Variants in RP1L1 observed in about 807,000 individuals in gnomAD.
RP1L1 encodes the protein retinitis pigmentosa 1-like 1 protein.
Under a neutral mutation model 15.7 loss-of-function variants are expected in RP1L1, and 27 were observed. The observed-to-expected ratio is 1.72, with a 90% CI of 1.27 to 2.38. RP1L1 has a LOEUF of 2.38. Ranked by LOEUF, RP1L1 falls within the 30% of genes most tolerant of loss-of-function variation. RP1L1 has a pLI of 0.00. For synonymous variants in RP1L1, 1,813 were observed against 1,276.7 expected, an observed-to-expected ratio of 1.42 and a Z score of -8.96; for missense variants, 4,798 against 3,075.9, an observed-to-expected ratio of 1.56 and a Z score of -13.24.
chr8:10,647,063 G>A (rs1217782714), intron 1 of RP1L1, among the ~76,000 whole-genome samples: 1 of 152,204 alleles, frequency 6.6e-6, no homozygotes, highest in African/African-American at 2.4e-5. Flanking sequence ...TCCTCATCCG[G>A]GCCCCAGGCT....
chr8:10,616,318 A>G, intron 3 of RP1L1, 128 bp downstream of exon 3: 1 of 1,235,162 alleles, frequency 8.1e-7, no homozygotes, highest in East Asian at 2.3e-5. Flanking sequence ...AGATCCCAAA[A>G]TGACTGGGAT....
intron 1 of RP1L1, among the ~76,000 whole-genome samples, chr8:10,639,906 G>A (rs761590255): frequency 8.5e-5 from 13 of 152,102 alleles, no homozygotes; most frequent in Non-Finnish European, 1.5e-4. Context: ...TTCAGGGGAT[G>A]GTGTTGGTAG....
In RP1L1 at chr8:10,611,127, C is replaced by T. The variant is rs377219690; in HGVS notation, c.2971G>A (p.Glu991Lys). 1.5e-5 allele frequency: 25 copies of T among 1,612,916 alleles called. No individual in the cohort carries two copies. Among genetic ancestry groups the T allele is most frequent in the South Asian group, 1.2e-4 (11 of 91,084 alleles). Residue 991 changes from glutamate to lysine, a missense_variant, in exon 4 of 4, where the codon GAG (glutamate) becomes AAG (lysine). Transcript: ENST00000382483. ...GAAGGGLRGP[E>K]VDPGDDHSLE... ...GAATGGTCATCCCCAGGGTCCACCT[C>T]GGGGCCTCTCAGGCCACCCCCAGCT...
chr8:10,627,971 C>G (rs1262646636), intron 1 of RP1L1, among the ~76,000 whole-genome samples: 2 of 152,220 alleles, frequency 1.3e-5, no homozygotes, highest in Non-Finnish European at 2.9e-5. Context: ...GACACAGAGA[C>G]TGAGGCACAG....
Position 10,621,951 on chromosome 8 carries a change from A to G in RP1L1, c.609+642T>C, listed in dbSNP as rs184284640. On this transcript the variant is annotated intron_variant, in intron 2 of 3. Coordinates refer to ENST00000382483, the MANE Select transcript of RP1L1 (RefSeq NM_178857.6). ...AACGCCCTGTATTAAATCACTTTCT[A>G]CTTAAGGTAACTTGAGTAGTTTGTT... Among the ~76,000 whole-genome samples, 337 of 152,198 alleles carry G rather than the reference A, an allele frequency of 2.2e-3. 1 individual carries two copies. The highest frequency in any genetic ancestry group is 3.8e-3 in the Non-Finnish European group (257 of 68,018).
chr8:10,646,935 T>A (rs1448591857), intron 1 of RP1L1, among the ~76,000 whole-genome samples: 1 of 152,098 alleles, frequency 6.6e-6, no homozygotes, highest in African/African-American at 2.4e-5. Context: ...CCTCCCCCCC[T>A]CAGTTGTCAG....
rs537026897 is a variant in RP1L1 at position 10,643,529 on chromosome 8, T to C, written c.-20+11369A>G. The stretch of plus-strand genomic sequence containing the variant: ...AGATTCAGGGATCAGAGATAAGAGA[T>C]ACACTCTCAGCTTCTCAGAAAGGAG... On this transcript the variant is annotated intron_variant, in intron 1 of 3. Transcript: ENST00000382483. 4.6e-5 allele frequency among the ~76,000 whole-genome samples: 7 copies of C among 152,188 alleles called. No individual in the cohort carries two copies. In the South Asian group the frequency reaches 1.5e-3, roughly 32 times the overall value.
rs1045490638 is a variant in RP1L1, at chr8:10,608,496, G to A, written c.5602C>T (p.Gln1868Ter). 4 of 1,311,348 alleles carry A rather than the reference G, an allele frequency of 3.1e-6. No homozygotes were observed. Among genetic ancestry groups the A allele is most frequent in the Non-Finnish European group, 4.3e-6 (4 of 928,028 alleles). The allele number at this position is 1,311,348 out of a possible 1,614,324, so 81.2% of individuals were successfully genotyped here. Residue 1868 changes from glutamine to a stop codon, truncating the protein, a stop_gained, in exon 4 of 4, where the codon CAG becomes TAG. Transcript: ENST00000382483. LOFTEE classifies it low-confidence loss of function (END_TRUNC). ...GCCTCTACATCTTCTGACTCTGGCT[G>A]GGCCTCCCCTTCAGCCTCCTGGGCA... is the stretch of plus-strand genomic sequence containing the variant. Reference protein sequence around the residue: ...GDAQEAEGEAQPESEDVEAPE... With the variant: ...GDAQEAEGEA
Position 10,611,883 on chromosome 8 carries a change from T to C in RP1L1, c.2215A>G (p.Thr739Ala), listed in dbSNP as rs778664065. The C allele has an allele frequency of 1.4e-5, 22 of 1,613,714 alleles. No individual in the cohort carries two copies. The highest frequency in any genetic ancestry group is 1.3e-5 in the Non-Finnish European group (15 of 1,180,028). ...TCCGAGTGGACTGCAGGGGTGACAG[T>C]GGCACTGCTGGTTCCCAGAAGGTCC... ...SQDLLGTSSA[T>A]VTPAVHSDFV... Residue 739 changes from threonine (T) to alanine (A), a missense_variant, in exon 4 of 4, where the codon ACT becomes GCT. Transcript: ENST00000382483.
In RP1L1 at chr8:10,611,821, A is replaced by G. The variant is rs1412460243; in HGVS notation, c.2277T>C (p.Ser759=). The part of the protein sequence containing the change: ...VSGVSPHNAP[S]AGWAGDAGSR... ...ACCCCGCGTCCCCTGCCCACCCGGC[A>G]GAGGGAGCGTTGTGCGGGGAGACTC... Residue 759 remains serine, a synonymous_variant, in exon 4 of 4, where the codon TCT becomes TCC. Coordinates refer to ENST00000382483, the MANE Select transcript of RP1L1 (RefSeq NM_178857.6). The G allele has an allele frequency of 6.2e-6, 10 of 1,613,696 alleles. No individual in the cohort carries two copies. In the South Asian group the frequency reaches 1.1e-4, roughly 18 times the overall value.
At chr8:10,648,761 C>G (rs761106024) in intron 1 of RP1L1, among the ~76,000 whole-genome samples, 1 of 152,232 alleles carries the variant, frequency 6.6e-6, no homozygotes, top group Non-Finnish European at 1.5e-5. Context: ...TTACAGTAAT[C>G]GCTTTGGCTG....
intron 1 of RP1L1, among the ~76,000 whole-genome samples, chr8:10,637,708 C>A (rs554207482): frequency 6.6e-6 from 1 of 152,296 alleles, no homozygotes; most frequent in Non-Finnish European, 1.5e-5. Flanking sequence ...AAAGAGTTAA[C>A]GTAGCTGATA....
rs372454831 is a variant in RP1L1 at position 10,619,481 on chromosome 8, C to T, written c.610-2894G>A. ...CACAGTCATTCCAGAGGCAACCCCC[C>T]AAAACTCACCTTCCTCATTTCCTAG... On this transcript the variant is annotated intron_variant, in intron 2 of 3. Coordinates refer to ENST00000382483, the MANE Select transcript of RP1L1 (RefSeq NM_178857.6). Among the ~76,000 whole-genome samples, 18 of 152,278 alleles carry T rather than the reference C, an allele frequency of 1.2e-4. No homozygotes were observed. The East Asian group carries it at 2.9e-3, about 24-fold the overall frequency.
chr8:10,612,775 C>G lies in RP1L1; in HGVS notation c.1323G>C (p.Gly441=). 1 of 1,609,902 alleles carries G rather than the reference C, an allele frequency of 6.2e-7. No individual in the cohort carries two copies. The highest frequency in any genetic ancestry group is 8.5e-7 in the Non-Finnish European group (1 of 1,179,952). Residue 441 remains glycine, a synonymous_variant, in exon 4 of 4, where the codon GGG becomes GGC. Coordinates refer to ENST00000382483, the MANE Select transcript of RP1L1 (RefSeq NM_178857.6). The part of the protein sequence containing the change: ...HVRCSGLWGH[G]TAGRERCSQD... ...GGCTGCATCTCTCCCTCCCGGCAGT[C>G]CCGTGGCCCCACAGGCCACTGCAGC...
At chr8:10,626,571 C>T (rs765057889) in intron 1 of RP1L1, among the ~76,000 whole-genome samples, 78 of 152,180 alleles carry the variant, frequency 5.1e-4, no homozygotes, top group Non-Finnish European at 1.0e-3. Context: ...CTTCCAGTGG[C>T]TCGCACTTGC....
At position 10,611,081 on chromosome 8, in the gene RP1L1, G is replaced by A. The variant is rs750020905; in HGVS notation, c.3017C>T (p.Pro1006Leu). 3 of 1,612,860 alleles carry A rather than the reference G, an allele frequency of 1.9e-6. No individual in the cohort carries two copies. Among genetic ancestry groups the A allele is most frequent in the East Asian group, 4.5e-5 (2 of 44,880 alleles). The change falls in exon 4 of 4, where the codon CCA becomes CTA. Residue 1006 changes from proline (P) to leucine (L), a missense_variant. Physicochemically the swap from Pro to Leu is moderately conservative, Grantham distance 98. Transcript: ENST00000382483. ...DDHSLEGLGE[P>L]AQAGQQSLEG... ...CAGGGACTGCTGTCCCGCCTGAGCT[G>A]GCTCCCCCAGGCCTTCCAGAGAATG...
In RP1L1 at chr8:10,608,938, A is replaced by C; in HGVS notation, c.5160T>G (p.Thr1720=). 1 of 1,613,696 alleles carries C rather than the reference A, an allele frequency of 6.2e-7. No individual in the cohort carries two copies. The highest frequency in any genetic ancestry group is 8.5e-7 in the Non-Finnish European group (1 of 1,179,892). The part of the protein sequence containing the change: ...PGKTHTDPTS[T]RTVQGAEGGL... ...CTCCCTCAGCTCCCTGGACAGTCCT[A>C]GTGCTCGTGGGGTCCGTGTGGGTCT... Residue 1720 remains threonine, a synonymous_variant, in exon 4 of 4, where the codon ACT becomes ACG. Coordinates refer to ENST00000382483, the MANE Select transcript of RP1L1 (RefSeq NM_178857.6).
Position 10,616,596 on chromosome 8 carries a change from G to A in RP1L1, c.610-9C>T. On this transcript the variant is annotated splice_polypyrimidine_tract_variant and intron_variant, in intron 2 of 3. Coordinates refer to ENST00000382483, the MANE Select transcript of RP1L1 (RefSeq NM_178857.6). The stretch of plus-strand genomic sequence containing the variant: ...GCCTGCAGCGAGTCCACCTGAGGGA[G>A]GAGCGGGCGGGGTCAGGAGGCCTGG... 1 of 1,608,550 alleles carries A rather than the reference G, an allele frequency of 6.2e-7. No individual in the cohort carries two copies. The highest frequency in any genetic ancestry group is 8.5e-7 in the Non-Finnish European group (1 of 1,178,954).
chr8:10,628,856 C>T (rs1585986889), intron 1 of RP1L1, among the ~76,000 whole-genome samples: 1 of 152,146 alleles, frequency 6.6e-6, no homozygotes, highest in East Asian at 1.9e-4. Context: ...CCTGTCCATC[C>T]CCCACAAACA....
Sources: gnomAD v4.1 joint callset for allele counts (sites outside exome capture counted in the v4.1 genomes callset) on GRCh38, gnomAD v4.1.1 for gene constraint, MANE v1.5 for transcripts, NCBI Gene and HGNC (gene_info 2026-07-23, HGNC 2026-07-21) for gene names.